Variants in DEPTOR observed in about 807,000 individuals in gnomAD.
DEPTOR encodes the protein DEP domain containing MTOR interacting protein, also known as DEP domain-containing mTOR-interacting protein.
In DEPTOR, 41 loss-of-function variants were observed where a neutral mutation model predicts 41.6. The observed-to-expected ratio is 0.98, with a 90% CI of 0.77 to 1.28. The LOEUF (loss-of-function observed/expected upper bound fraction) is 1.28. Among genes scored for constraint, DEPTOR ranks in the 50% most tolerant of loss-of-function variants. The pLI is 0.00. For synonymous variants in DEPTOR, 195 were observed against 192.3 expected (o/e 1.01, Z -0.12); for missense variants, 514 against 527.9 (o/e 0.97, Z 0.26).
chr8:119,953,805 T>C (rs1383517784), intron 3 of DEPTOR, among the ~76,000 whole-genome samples: 1 of 148,564 alleles, frequency 6.7e-6, no homozygotes, highest in African/African-American at 2.5e-5. Flanking sequence ...TAGCTTCTTT[T>C]TTTTTTTTTT....
At chr8:119,888,581 C>T (rs1827404507) in intron 1 of DEPTOR, among the ~76,000 whole-genome samples, 1 of 151,790 alleles carries the variant, frequency 6.6e-6, no homozygotes, top group African/African-American at 2.4e-5. Context: ...CCAAGGCTGG[C>T]ACGGTGGCTC....
intron 3 of DEPTOR, among the ~76,000 whole-genome samples, chr8:119,944,118 G>T (rs927407016): frequency 6.6e-6 from 1 of 152,142 alleles, no homozygotes; most frequent in Non-Finnish European, 1.5e-5. Context: ...GGGATTACAG[G>T]CGTTAGCCAC....
At chr8:120,021,582 A>G (rs528629244) in intron 8 of DEPTOR, among the ~76,000 whole-genome samples, 1 of 152,308 alleles carries the variant, frequency 6.6e-6, no homozygotes, top group East Asian at 1.9e-4. Context: ...CAAAACACAA[A>G]GTAACAGAAT....
chr8:120,021,805 T>G (rs1812720523), intron 8 of DEPTOR, among the ~76,000 whole-genome samples: 2 of 152,192 alleles, frequency 1.3e-5, no homozygotes, highest in South Asian at 4.1e-4. Context: ...TATCATGTGA[T>G]GGACACTCAG....
chr8:119,921,795 CTG>C (rs765163392), intron 1 of DEPTOR, among the ~76,000 whole-genome samples: 26 of 144,734 alleles, frequency 1.8e-4, no homozygotes, highest in Non-Finnish European at 3.4e-4. Flanking sequence ...GGGTCTTGCT[CTG>C]TCACCCAGGC....
intron 3 of DEPTOR, among the ~76,000 whole-genome samples, chr8:119,937,742 A>T (rs1828132723): frequency 6.6e-6 from 1 of 152,200 alleles, no homozygotes; most frequent in Non-Finnish European, 1.5e-5. Context: ...TCTCAGGAAG[A>T]GCAACAGCCA....
chr8:119,904,192 A>G (rs1586607457), intron 1 of DEPTOR, among the ~76,000 whole-genome samples: 1 of 151,454 alleles, frequency 6.6e-6, no homozygotes, highest in South Asian at 2.1e-4. Context: ...ATCTCAGCTC[A>G]CTGCAACCTC....
At chr8:120,035,308 A>C (rs1044118222) in intron 8 of DEPTOR, among the ~76,000 whole-genome samples, 6 of 149,298 alleles carry the variant, frequency 4.0e-5, no homozygotes, top group African/African-American at 1.5e-4. Flanking sequence ...AGACAGAGTG[A>C]GACCCTGCCC....
chr8:119,881,329 C>T (rs1338016034), intron 1 of DEPTOR, among the ~76,000 whole-genome samples: 1 of 152,072 alleles, frequency 6.6e-6, no homozygotes, highest in South Asian at 2.1e-4. Flanking sequence ...CCAGACCAGC[C>T]TGGCCAACAT....
intron 8 of DEPTOR, among the ~76,000 whole-genome samples, chr8:120,030,497 G>GTTTGTTTTTTTTTTTTTTTTTTTT (rs1207108457): frequency 2.2e-5 from 1 of 46,214 alleles, no homozygotes. Flanking sequence ...AGGTTCATCA[G>GTTTGTTTTTTTTTTTTTTTTTTTT]TTTTTTTTTT....
chr8:120,040,159 A>C (rs1782641447), intron 8 of DEPTOR, among the ~76,000 whole-genome samples: 2 of 152,174 alleles, frequency 1.3e-5, no homozygotes. Flanking sequence ...GCAAGTAATA[A>C]TTTTAATAAC....
At chr8:119,925,191 A>G (rs1043622531) in intron 1 of DEPTOR, among the ~76,000 whole-genome samples, 9 of 152,164 alleles carry the variant, frequency 5.9e-5, no homozygotes, top group African/African-American at 2.2e-4. Flanking sequence ...AGAGTTTCAG[A>G]CCAGCCTGGC....
At chr8:119,893,325 A>G (rs1827474528) in intron 1 of DEPTOR, among the ~76,000 whole-genome samples, 1 of 152,236 alleles carries the variant, frequency 6.6e-6, no homozygotes. Context: ...AGGGGAACAC[A>G]GAGAAGGAGA....
intron 3 of DEPTOR, among the ~76,000 whole-genome samples, chr8:119,957,598 T>C (rs1438488468): frequency 2.6e-5 from 4 of 151,440 alleles, no homozygotes; most frequent in Non-Finnish European, 4.4e-5. Flanking sequence ...TTCTTTCTTT[T>C]TTTTTTTTCA....
chr8:120,017,848 GA>G (rs1284396858), intron 8 of DEPTOR, among the ~76,000 whole-genome samples: 1 of 152,188 alleles, frequency 6.6e-6, no homozygotes, highest in African/African-American at 2.4e-5. Context: ...CCAAGTCTCA[GA>G]GGGATTTCAA....
At chr8:120,036,954 A>G (rs1812987850) in intron 8 of DEPTOR, among the ~76,000 whole-genome samples, 1 of 152,228 alleles carries the variant, frequency 6.6e-6, no homozygotes, top group African/African-American at 2.4e-5. Context: ...AGATTGAAGC[A>G]AATTCTCTCT....
intron 1 of DEPTOR, among the ~76,000 whole-genome samples, chr8:119,890,493 G>A (rs936429977): frequency 2.0e-5 from 3 of 152,018 alleles, no homozygotes; most frequent in Non-Finnish European, 2.9e-5. Context: ...AGTAGAGATG[G>A]GGTTTCACCA....
At chr8:119,949,033 G>A (rs369090548) in intron 3 of DEPTOR, among the ~76,000 whole-genome samples, 2 of 152,248 alleles carry the variant, frequency 1.3e-5, no homozygotes, top group Non-Finnish European at 1.5e-5. Context: ...TGATCCACCC[G>A]CCTTGGCCTC....
intron 4 of DEPTOR, among the ~76,000 whole-genome samples, chr8:119,969,431 T>G (rs1828606143): frequency 1.3e-5 from 2 of 151,394 alleles, no homozygotes; most frequent in African/African-American, 4.9e-5. Context: ...CTTGGCTCAC[T>G]GCAACCTCCA....
Sources: gnomAD v4.1 joint callset for allele counts (sites outside exome capture counted in the v4.1 genomes callset) on GRCh38, gnomAD v4.1.1 for gene constraint, MANE v1.5 for transcripts, NCBI Gene and HGNC (gene_info 2026-07-23, HGNC 2026-07-21) for gene names.